The following SLC35D2 variants were observed in gnomAD, a reference collection of about 807,000 sequenced individuals.
SLC35D2 encodes the protein nucleotide sugar transporter SLC35D2.
SLC35D2 carries 43 observed loss-of-function variants against 41.8 expected under a neutral mutation model. That is an observed-to-expected ratio of 1.03 (90% CI 0.81 to 1.33). The LOEUF (loss-of-function observed/expected upper bound fraction) is 1.33, where lower values mean the gene tolerates loss of function less well. Ranked by LOEUF, SLC35D2 falls within the 40% of genes most tolerant of loss-of-function variation. SLC35D2 has a pLI of 0.00. For missense variants in SLC35D2, 380 were observed against 408.4 expected (o/e 0.93, Z 0.60); for synonymous variants, 150 against 163.9 (o/e 0.92, Z 0.65).
chr9:96,377,880 C>T (rs917753015), intron 1 of SLC35D2, among the ~76,000 whole-genome samples: 47 of 152,226 alleles, frequency 3.1e-4, no homozygotes, highest in African/African-American at 1.1e-3. Context: ...AGAGCATGAG[C>T]AGCTGGGAGC....
chr9:96,381,327 G>C (rs188675255), intron 1 of SLC35D2, among the ~76,000 whole-genome samples: 4 of 152,342 alleles, frequency 2.6e-5, no homozygotes, highest in Admixed American at 2.6e-4. Context: ...ATCTCATTCA[G>C]AGCTGATGCC....
At chr9:96,365,452 G>C (rs190980732) in intron 2 of SLC35D2, among the ~76,000 whole-genome samples, 2 of 152,170 alleles carry the variant, frequency 1.3e-5, no homozygotes, top group African/African-American at 4.8e-5. Flanking sequence ...GAAAGGGAAT[G>C]GTCTCCCTGA....
chr9:96,315,474 C>A (rs1403874763), intron 11 of SLC35D2, among the ~76,000 whole-genome samples: 1 of 145,730 alleles, frequency 6.9e-6, no homozygotes, highest in African/African-American at 2.6e-5. Flanking sequence ...CGCTCTGTTG[C>A]CCAGGCTGGA....
intron 8 of SLC35D2, among the ~76,000 whole-genome samples, chr9:96,341,951 T>A (rs1020911421): frequency 2.0e-4 from 30 of 150,876 alleles, no homozygotes; most frequent in African/African-American, 6.8e-4. Flanking sequence ...AAAAAAAATA[T>A]ATATATATCT....
intron 4 of SLC35D2, among the ~76,000 whole-genome samples, chr9:96,359,878 C>T (rs1188004972): frequency 6.6e-6 from 1 of 152,152 alleles, no homozygotes; most frequent in African/African-American, 2.4e-5. Context: ...CCAACAATCC[C>T]ACCTGGATAA....
At chr9:96,345,813 G>T (rs1042881704) in intron 6 of SLC35D2, among the ~76,000 whole-genome samples, 9 of 152,174 alleles carry the variant, frequency 5.9e-5, no homozygotes, top group Non-Finnish European at 1.5e-5. Flanking sequence ...CAGAGGCTGG[G>T]TAAGAGGGGT....
In SLC35D2 at chr9:96,336,767, T is replaced by C. The variant is rs35044811; in HGVS notation, c.702A>G (p.Gln234=). ...GDLQQATEFN[Q]WKNVVFILQF... is the part of the protein sequence containing the mutation. Reference sequence around the variant, plus strand: ...GTAGGATAAACACAACATTCTTCCATTGGTTGAATTCAGTAGCCTATTATT... The same window carrying C: ...GTAGGATAAACACAACATTCTTCCACTGGTTGAATTCAGTAGCCTATTATT... The change falls in exon 9 of 12, where the codon CAA becomes CAG. Residue 234 remains glutamine (Q), a synonymous_variant. Transcript: ENST00000253270. The C allele has an allele frequency of 1.9e-4, 297 of 1,579,740 alleles. No individual in the cohort carries two copies. In the African/African-American group the frequency reaches 3.7e-3, roughly 20 times the overall value.
At chr9:96,349,176 A>G (rs1829707160) in intron 6 of SLC35D2, among the ~76,000 whole-genome samples, 2 of 152,192 alleles carry the variant, frequency 1.3e-5, no homozygotes, top group African/African-American at 2.4e-5. Flanking sequence ...GCGCCCACCC[A>G]TGAGAACACA....
At chr9:96,338,200 T>A (rs1273464242) in intron 8 of SLC35D2, among the ~76,000 whole-genome samples, 1 of 152,132 alleles carries the variant, frequency 6.6e-6, no homozygotes, top group East Asian at 1.9e-4. Flanking sequence ...TCTACTCACT[T>A]TCTATTAAGC....
At chr9:96,336,828 T>C (rs1829072488) in intron 8 of SLC35D2, 44 bp from the exon 9 acceptor site, 1 of 1,147,742 alleles carries the variant, frequency 8.7e-7, no homozygotes, top group South Asian at 1.4e-5. Context: ...TTAATAATAC[T>C]GCAGTTTAAA....
chr9:96,371,498 A>AAAAAAAAAAAAAAAAAAAT (rs1830680992), intron 1 of SLC35D2, among the ~76,000 whole-genome samples: 1 of 142,296 alleles, frequency 7.0e-6, no homozygotes, highest in Non-Finnish European at 1.5e-5. Context: ...AAAAAAAAAA[A>AAAAAAAAAAAAAAAAAAAT]AAAAAAAATT....
At chr9:96,330,706 A>G (rs1274127341) in intron 9 of SLC35D2, among the ~76,000 whole-genome samples, 1 of 152,142 alleles carries the variant, frequency 6.6e-6, no homozygotes, top group Non-Finnish European at 1.5e-5. Context: ...CAAACTCACA[A>G]TGCCAAAGGG....
intron 9 of SLC35D2, among the ~76,000 whole-genome samples, chr9:96,331,496 C>T (rs914425305): frequency 6.6e-6 from 1 of 152,116 alleles, no homozygotes; most frequent in Non-Finnish European, 1.5e-5. Context: ...ACCCTCCCTC[C>T]CTTTTTTTTT....
chr9:96,344,673 A>G lies in SLC35D2; in HGVS notation c.591+626T>C, dbSNP rs112488246. On this transcript the variant is annotated intron_variant, in intron 7 of 11. Transcript: ENST00000253270. ...CACAAAGAGCTTGGAACAAAGAAAC[A>G]TATGCCTGACTCATCCTCCGGGCTT... Among the ~76,000 whole-genome samples, 335 of 134,674 alleles carry G rather than the reference A, an allele frequency of 2.5e-3. 1 individual carries two copies. Among genetic ancestry groups the G allele is most frequent in the African/African-American group, 8.6e-3 (311 of 35,970 alleles). The allele number at this position is 134,674 out of a possible 152,430, so 88.4% of individuals were successfully genotyped here.
At chr9:96,366,838 T>G (rs896007725) in intron 2 of SLC35D2, among the ~76,000 whole-genome samples, 2 of 152,006 alleles carry the variant, frequency 1.3e-5, no homozygotes, top group African/African-American at 4.8e-5. Context: ...AAAGATAATT[T>G]TTTTACTGTA....
intron 1 of SLC35D2, among the ~76,000 whole-genome samples, chr9:96,381,420 C>T (rs1420819733): frequency 1.3e-5 from 2 of 152,294 alleles, no homozygotes; most frequent in Non-Finnish European, 2.9e-5. Context: ...CATTCCCATT[C>T]AAACTCTTCA....
chr9:96,327,463 A>G (rs972547328), intron 9 of SLC35D2, among the ~76,000 whole-genome samples: 8 of 152,116 alleles, frequency 5.3e-5, no homozygotes, highest in Admixed American at 1.3e-4. Context: ...CCCATCCATC[A>G]TGAGTGTGGG....
Position 96,331,014 on chromosome 9 carries a change from C to T in SLC35D2, c.752+5703G>A, listed in dbSNP as rs535202513. Among the ~76,000 whole-genome samples the T allele has an allele frequency of 5.3e-5, 8 of 152,328 alleles. No homozygotes were observed. In the South Asian group the frequency reaches 1.0e-3, roughly 20 times the overall value. ...CCAGGTTCAAGAGATTATCGTGCCT[C>T]AGCCTCCCAAGTACCTTGGATTACA... On this transcript the variant is annotated intron_variant, in intron 9 of 11. Coordinates refer to ENST00000253270, the MANE Select transcript of SLC35D2 (RefSeq NM_007001.3).
Position 96,321,350 on chromosome 9 carries a change from A to G in SLC35D2, c.915-9T>C. The G allele has an allele frequency of 6.2e-7, 1 of 1,602,736 alleles. No homozygotes were observed. The highest frequency in any genetic ancestry group is 8.5e-7 in the Non-Finnish European group (1 of 1,172,280). On this transcript the variant is annotated splice_polypyrimidine_tract_variant and intron_variant, in intron 11 of 11. Coordinates refer to ENST00000253270, the MANE Select transcript of SLC35D2 (RefSeq NM_007001.3). ...TCAAGCCCCCTGCCATGCTGAAAGG[A>G]GAAAAAAAAGTGAAAATAAATGACT...
Sources: allele counts gnomAD v4.1 joint callset (sites outside exome capture counted in the v4.1 genomes callset), GRCh38; gene constraint gnomAD v4.1.1; transcripts MANE v1.5; gene names NCBI Gene and HGNC (gene_info 2026-07-23, HGNC 2026-07-21).